SLC38A11: variants seen among roughly 807,000 people sequenced by gnomAD.
SLC38A11 encodes the protein solute carrier family 38 member 11, also known as putative sodium-coupled neutral amino acid transporter 11.
Under a neutral mutation model 49.4 loss-of-function variants are expected in SLC38A11, and 51 were observed. That is an observed-to-expected ratio of 1.03 (90% CI 0.83 to 1.30). The LOEUF (loss-of-function observed/expected upper bound fraction) is 1.30, where lower values mean the gene tolerates loss of function less well. Among genes scored for constraint, SLC38A11 ranks in the 50% most tolerant of loss-of-function variants. The pLI is 0.00. For missense variants in SLC38A11, 574 were observed against 556.2 expected (o/e 1.03, Z -0.32); for synonymous variants, 203 against 192.9 (o/e 1.05, Z -0.43).
chr2:164,938,263 A>C (rs956758173), intron 6 of SLC38A11, among the ~76,000 whole-genome samples: 13 of 152,216 alleles, frequency 8.5e-5, no homozygotes, highest in African/African-American at 3.1e-4. Flanking sequence ...AGGAAGAGAG[A>C]GATTAAACAA....
intron 11 of SLC38A11, among the ~76,000 whole-genome samples, chr2:164,901,795 A>G (rs1574725951): frequency 6.6e-6 from 1 of 152,080 alleles, no homozygotes; most frequent in East Asian, 1.9e-4. Flanking sequence ...ACTATGTTGA[A>G]GAGAAGTGGC....
chr2:164,942,677 A>G (rs555802545), intron 5 of SLC38A11, among the ~76,000 whole-genome samples: 1 of 152,288 alleles, frequency 6.6e-6, no homozygotes, highest in South Asian at 2.1e-4. Flanking sequence ...TTTCCTTAGC[A>G]TTCTACCCAC....
intron 11 of SLC38A11, among the ~76,000 whole-genome samples, chr2:164,905,858 T>C (rs536822975): frequency 6.6e-6 from 1 of 152,330 alleles, no homozygotes; most frequent in Non-Finnish European, 1.5e-5. Flanking sequence ...ATCTTGACTT[T>C]AAAATAGATA....
rs1199697570 is a variant in SLC38A11 at position 164,898,727 on chromosome 2, C to T, written c.1099G>A (p.Val367Met). ...CLGIVLELNGVLCATPLIFII... is the reference protein window; with the variant it reads ...CLGIVLELNGMLCATPLIFII... ...AAAATGAGGGGAGTTGCACAGAGCA[C>T]ACCCTGCATGTTGAAAACAAGAAAC... Residue 367 changes from valine to methionine, a missense_variant, in exon 12 of 12, where the codon GTG becomes ATG. Coordinates refer to ENST00000685975, the MANE Select transcript of SLC38A11 (RefSeq NM_001351537.2). 1 of 1,605,638 alleles carries T rather than the reference C, an allele frequency of 6.2e-7. No individual in the cohort carries two copies. The highest frequency in any genetic ancestry group is 8.5e-7 in the Non-Finnish European group (1 of 1,174,312).
At chr2:164,907,552 A>C (rs1685105061) in intron 11 of SLC38A11, among the ~76,000 whole-genome samples, 1 of 152,076 alleles carries the variant, frequency 6.6e-6, no homozygotes, top group African/African-American at 2.4e-5. Context: ...AGTGTGAGCC[A>C]CCGTTCCTGG....
intron 7 of SLC38A11, among the ~76,000 whole-genome samples, chr2:164,932,405 T>C (rs796145064): frequency 3.4e-4 from 52 of 152,218 alleles, no homozygotes; most frequent in African/African-American, 1.2e-3. Context: ...GCAATCCCAT[T>C]ACTGAGTATA....
chr2:164,955,101 G>C lies in SLC38A11; in HGVS notation c.39+108C>G, dbSNP rs1192937167. ...AACTTTTTGTCCCAGAGAACTTTTC[G>C]CGGTGCTAAACCAAGAGCCCAGGTG... On this transcript the variant is annotated intron_variant, in intron 1 of 11. Transcript: ENST00000685975. 17 of 1,035,040 alleles carry C rather than the reference G, an allele frequency of 1.6e-5. 1 individual carries two copies. The highest frequency in any genetic ancestry group is 5.0e-5 in the Admixed American group (2 of 39,900). 64.1% of individuals were successfully genotyped at this position (1,035,040 alleles called of 1,614,324 possible).
chr2:164,915,002 G>GAGT, intron 9 of SLC38A11, 110 bp downstream of exon 9: 1 of 999,564 alleles, frequency 1.0e-6, no homozygotes, highest in Non-Finnish European at 1.4e-6. Flanking sequence ...GGGTGGAAGA[G>GAGT]AGTAATCTTT....
rs375033321 is a variant in SLC38A11, at chr2:164,915,890, A to G, written c.688+13T>C. ...TCCACATTGAGAAAGGGCCTTTGAA[A>G]CCAAATACTCACCAAAAGACATAAC... On this transcript the variant is annotated intron_variant, in intron 8 of 11. Coordinates refer to ENST00000685975, the MANE Select transcript of SLC38A11 (RefSeq NM_001351537.2). 1.3e-6 allele frequency: 2 copies of G among 1,590,552 alleles called. No homozygotes were observed. Among genetic ancestry groups the G allele is most frequent in the Non-Finnish European group, 1.7e-6 (2 of 1,162,860 alleles).
chr2:164,944,662 T>C, intron 4 of SLC38A11, 28 bp from the exon 5 acceptor site: 1 of 911,416 alleles, frequency 1.1e-6, no homozygotes, highest in African/African-American at 1.7e-5. Flanking sequence ...ATAAGAGTCA[T>C]CAATAAGCCA....
intron 11 of SLC38A11, among the ~76,000 whole-genome samples, chr2:164,902,036 T>C (rs1361558877): frequency 1.0e-4 from 15 of 149,156 alleles, no homozygotes; most frequent in African/African-American, 3.2e-4. Context: ...TCTCTCTCTT[T>C]TTTTTTTTTT....
intron 7 of SLC38A11, among the ~76,000 whole-genome samples, chr2:164,918,093 A>AAG (rs896995273): frequency 3.9e-5 from 6 of 151,940 alleles, no homozygotes; most frequent in Non-Finnish European, 7.4e-5. Context: ...AAAAAAAAAA[A>AAG]AGAGAGAGAA....
rs559279842 is a variant in SLC38A11 at position 164,902,250 on chromosome 2, A to G, written c.1096-3520T>C. Among the ~76,000 whole-genome samples, 8 of 152,036 alleles carry G rather than the reference A, an allele frequency of 5.3e-5. No individual in the cohort carries two copies. In the South Asian group the frequency reaches 1.7e-3, roughly 32 times the overall value. The stretch of plus-strand genomic sequence containing the variant: ...TGCCCCAGCTGGTCTCAAACTCCTG[A>G]GCTCAAGTGATCCTCTCGCCTTAGC... On this transcript the variant is annotated intron_variant, in intron 11 of 11. Transcript: ENST00000685975.
intron 5 of SLC38A11, among the ~76,000 whole-genome samples, chr2:164,939,878 C>G (rs915012885): frequency 6.6e-6 from 1 of 151,836 alleles, no homozygotes; most frequent in African/African-American, 2.4e-5. Flanking sequence ...AATCCAGAAA[C>G]TACAGAATTC....
chr2:164,930,423 C>CCTGG (rs1559112912), intron 7 of SLC38A11, among the ~76,000 whole-genome samples: 1 of 151,922 alleles, frequency 6.6e-6, no homozygotes, highest in Admixed American at 6.6e-5. Context: ...CATCCTGATA[C>CCTGG]CAAAATCTGG....
At chr2:164,954,895 A>G in intron 1 of SLC38A11, 150 bp from the exon 2 acceptor site, 3 of 573,136 alleles carry the variant, frequency 5.2e-6, no homozygotes, top group East Asian at 2.8e-5. Flanking sequence ...TAACAGTAAT[A>G]AAGAATAACA....
chr2:164,929,750 T>G (rs757039681), intron 7 of SLC38A11, among the ~76,000 whole-genome samples: 2 of 152,152 alleles, frequency 1.3e-5, no homozygotes, highest in Non-Finnish European at 2.9e-5. Context: ...CTTCTTTACA[T>G]TTGCAACATA....
intron 11 of SLC38A11, among the ~76,000 whole-genome samples, chr2:164,899,579 T>C (rs1023653251): frequency 6.6e-6 from 1 of 152,150 alleles, no homozygotes; most frequent in Non-Finnish European, 1.5e-5. Context: ...CTAATTACGT[T>C]AGATTTTAAT....
At chr2:164,948,108 G>A (rs1688262096) in intron 3 of SLC38A11, among the ~76,000 whole-genome samples, 1 of 152,176 alleles carries the variant, frequency 6.6e-6, no homozygotes, top group Admixed American at 6.5e-5. Flanking sequence ...GACTTTGGGT[G>A]AAAGATTTGA....
Sources: allele counts gnomAD v4.1 joint callset (sites outside exome capture counted in the v4.1 genomes callset), GRCh38; gene constraint gnomAD v4.1.1; transcripts MANE v1.5; gene names NCBI Gene and HGNC (gene_info 2026-07-23, HGNC 2026-07-21).